BAIAP2L1: variants seen among roughly 807,000 people sequenced by gnomAD.
The protein encoded by BAIAP2L1 is BAR/IMD domain-containing adapter protein 2-like 1.
Under a neutral mutation model 66.3 loss-of-function variants are expected in BAIAP2L1, and 35 were observed. The ratio of observed to expected loss-of-function variants is 0.53; its 90% CI spans 0.40 to 0.70. The LOEUF is 0.70. Among genes scored for constraint, BAIAP2L1 ranks in the 30% least tolerant of loss-of-function variants. BAIAP2L1 has a pLI of 0.00. For missense variants in BAIAP2L1, 622 were observed against 656.9 expected, an observed-to-expected ratio of 0.95 and a Z score of 0.58; for synonymous variants, 269 against 248.7, an observed-to-expected ratio of 1.08 and a Z score of -0.77.
chr7:98,332,984 C>T (rs1281055118), intron 3 of BAIAP2L1, among the ~76,000 whole-genome samples: 9 of 151,924 alleles, frequency 5.9e-5, no homozygotes, highest in Non-Finnish European at 1.3e-4. Context: ...GCCCCTCAGC[C>T]ACACTGGCTT....
intron 3 of BAIAP2L1, among the ~76,000 whole-genome samples, chr7:98,328,703 C>T (rs1415294386): frequency 2.7e-5 from 4 of 149,132 alleles, no homozygotes; most frequent in Non-Finnish European, 5.9e-5. Context: ...AAAAAAAATT[C>T]ATGATACACA....
intron 3 of BAIAP2L1, among the ~76,000 whole-genome samples, chr7:98,330,138 C>T (rs1174637954): frequency 6.6e-6 from 1 of 152,074 alleles, no homozygotes; most frequent in African/African-American, 2.4e-5. Context: ...CTAAAAGCAG[C>T]AAACATTACA....
At position 98,394,988 on chromosome 7, in the gene BAIAP2L1, G is replaced by A. The variant is rs184808096; in HGVS notation, c.51+5814C>T. 1.9e-4 allele frequency among the ~76,000 whole-genome samples: 29 copies of A among 151,812 alleles called. No homozygotes were observed. In the East Asian group the frequency reaches 5.4e-3, roughly 29 times the overall value. ...TTAGCCAGCGTGGTGGCAGGTACCT[G>A]TAACCCCAGCTACTCGGGAGGCTGA... On this transcript the variant is annotated intron_variant, in intron 1 of 13. Coordinates refer to ENST00000005260, the MANE Select transcript of BAIAP2L1 (RefSeq NM_018842.5).
intron 5 of BAIAP2L1, among the ~76,000 whole-genome samples, chr7:98,318,945 CAAAA>C (rs369964958): frequency 2.6e-5 from 3 of 114,586 alleles, no homozygotes; most frequent in Admixed American, 9.2e-5. Context: ...GACTCCATCT[CAAAA>C]AAAAAAAAAA....
chr7:98,361,171 A>C (rs1317512855), intron 2 of BAIAP2L1, among the ~76,000 whole-genome samples: 1 of 152,068 alleles, frequency 6.6e-6, no homozygotes. Context: ...AGCCTGGCCA[A>C]CATGGTGAAA....
At chr7:98,387,206 G>C (rs963210563) in intron 1 of BAIAP2L1, among the ~76,000 whole-genome samples, 2 of 152,264 alleles carry the variant, frequency 1.3e-5, no homozygotes, top group Middle Eastern at 3.4e-3. Flanking sequence ...TCCAGGCGGA[G>C]GAGAGGGGCT....
chr7:98,345,068 G>A (rs1584472821), intron 3 of BAIAP2L1, among the ~76,000 whole-genome samples: 1 of 152,182 alleles, frequency 6.6e-6, no homozygotes, highest in African/African-American at 2.4e-5. Flanking sequence ...ATGAGGCTGA[G>A]GCAGGAGGGC....
intron 11 of BAIAP2L1, among the ~76,000 whole-genome samples, chr7:98,305,047 G>GTTTTTTTTTTTTT (rs59633894): frequency 1.0e-5 from 1 of 100,380 alleles, no homozygotes; most frequent in African/African-American, 4.3e-5. Flanking sequence ...TTTGTTTTTT[G>GTTTTTTTTTTTTT]TTTTTTTTTT....
chr7:98,292,744 T>C lies in BAIAP2L1; in HGVS notation c.*777A>G, dbSNP rs1800021876. 3.9e-6 allele frequency: 6 copies of C among 1,551,068 alleles called. No individual in the cohort carries two copies. On this transcript the variant is annotated 3_prime_UTR_variant, in exon 14 of 14. Coordinates refer to ENST00000005260, the MANE Select transcript of BAIAP2L1 (RefSeq NM_018842.5). Reference sequence around the variant, plus strand: ...GCAGTTTGAGTGTACTGGTAATGGATGCAGCTTTGGCCAACTAGCTGAGTG... The same window carrying C: ...GCAGTTTGAGTGTACTGGTAATGGACGCAGCTTTGGCCAACTAGCTGAGTG...
At chr7:98,398,397 T>C (rs1046181738) in intron 1 of BAIAP2L1, among the ~76,000 whole-genome samples, 2 of 151,950 alleles carry the variant, frequency 1.3e-5, no homozygotes, top group East Asian at 3.9e-4. Flanking sequence ...AGCCAAAGCA[T>C]GGGCTAGCAG....
chr7:98,397,459 G>C lies in BAIAP2L1; in HGVS notation c.51+3343C>G, dbSNP rs762038039. The stretch of plus-strand genomic sequence containing the variant: ...CCTGCCTCAGCCTCCCGAGTAGCTG[G>C]GACTACAGGCACGCGCCACCACACC... On this transcript the variant is annotated intron_variant, in intron 1 of 13. Transcript: ENST00000005260. 6.5e-4 allele frequency among the ~76,000 whole-genome samples: 98 copies of C among 151,738 alleles called. 1 individual carries two copies. The highest frequency in any genetic ancestry group is 1.4e-3 in the Admixed American group (21 of 15,174).
chr7:98,385,857 G>A (rs1345389130), intron 1 of BAIAP2L1: 34 of 1,483,176 alleles, frequency 2.3e-5, no homozygotes, highest in Middle Eastern at 1.9e-4. Flanking sequence ...CACCTGTCTC[G>A]TCCCCAGTGG....
chr7:98,400,962 G>GGCC lies in BAIAP2L1; in HGVS notation c.-113_-111dup. The GGCC allele has an allele frequency of 9.8e-7, 1 of 1,015,856 alleles. No homozygotes were observed. Among genetic ancestry groups the GGCC allele is most frequent in the African/African-American group, 1.7e-5 (1 of 58,338 alleles). 62.9% of individuals were successfully genotyped at this position (1,015,856 alleles called of 1,614,324 possible). ...CGCGACTAAGGGGCTCTGGAGGGTCGGCCGCCGCCGCAGCCGTCGGCCCGA... is the reference window on the plus strand; with the variant it reads ...CGCGACTAAGGGGCTCTGGAGGGTCGGCCGCCGCCGCCGCAGCCGTCGGCCCGA... On this transcript the variant is annotated 5_prime_UTR_variant, in exon 1 of 14. Transcript: ENST00000005260.
At chr7:98,314,414 T>C (rs1709333259) in intron 7 of BAIAP2L1, among the ~76,000 whole-genome samples, 1 of 152,206 alleles carries the variant, frequency 6.6e-6, no homozygotes, top group African/African-American at 2.4e-5. Context: ...GCTTCTCCTA[T>C]ATTGGAACAC....
At chr7:98,314,272 C>A (rs1265564701) in intron 7 of BAIAP2L1, among the ~76,000 whole-genome samples, 3 of 152,084 alleles carry the variant, frequency 2.0e-5, no homozygotes, top group Admixed American at 1.3e-4. Context: ...CGTGAGCCAC[C>A]ATGCGCAGTC....
At chr7:98,382,426 G>C (rs1802780811) in intron 1 of BAIAP2L1, among the ~76,000 whole-genome samples, 1 of 152,206 alleles carries the variant, frequency 6.6e-6, no homozygotes, top group Non-Finnish European at 1.5e-5. Flanking sequence ...CAGGAGGATT[G>C]CTTGAGGCCA....
At chr7:98,347,018 C>CAA (rs1470887163) in intron 3 of BAIAP2L1, among the ~76,000 whole-genome samples, 5 of 150,142 alleles carry the variant, frequency 3.3e-5, no homozygotes, top group East Asian at 1.9e-4. Flanking sequence ...ACAACAACAA[C>CAA]AACAAAACAA....
chr7:98,393,727 C>T (rs1053985227), intron 1 of BAIAP2L1, among the ~76,000 whole-genome samples: 31 of 150,914 alleles, frequency 2.1e-4, no homozygotes, highest in South Asian at 1.3e-3. Context: ...CTTCGCAATC[C>T]GCCCGCCTCG....
At chr7:98,320,491 T>A (rs1386692471) in intron 3 of BAIAP2L1, among the ~76,000 whole-genome samples, 193 bp from the exon 4 acceptor site, 1 of 152,162 alleles carries the variant, frequency 6.6e-6, no homozygotes, top group Non-Finnish European at 1.5e-5. Flanking sequence ...TGCATCACCA[T>A]GCCTGGCTAA....
Sources: gnomAD v4.1 joint callset for allele counts (sites outside exome capture counted in the v4.1 genomes callset) on GRCh38, gnomAD v4.1.1 for gene constraint, MANE v1.5 for transcripts, NCBI Gene and HGNC (gene_info 2026-07-23, HGNC 2026-07-21) for gene names.